The following NR3C2 variants were observed in gnomAD, a reference collection of about 807,000 sequenced individuals.
NR3C2 encodes mineralocorticoid receptor.
A neutral mutation model predicts 86.4 loss-of-function variants in NR3C2; 15 were observed. That is an observed-to-expected ratio of 0.17 (90% CI 0.12 to 0.27). The LOEUF is 0.27. Ranked by LOEUF, NR3C2 falls within the 10% of genes least tolerant of loss-of-function variation. NR3C2 has a pLI of 1.00. For synonymous variants in NR3C2, 458 were observed against 450.5 expected, an observed-to-expected ratio of 1.02 and a Z score of -0.21; for missense variants, 960 against 1,195.6, an observed-to-expected ratio of 0.80 and a Z score of 2.91.
At chr4:148,257,803 T>A (rs1215344504) in intron 3 of NR3C2, among the ~76,000 whole-genome samples, 1 of 152,116 alleles carries the variant, frequency 6.6e-6, no homozygotes, top group African/African-American at 2.4e-5. Flanking sequence ...AGATTTTAAA[T>A]TAACAGCATT....
At chr4:148,390,076 G>A (rs1747462903) in intron 2 of NR3C2, among the ~76,000 whole-genome samples, 3 of 151,368 alleles carry the variant, frequency 2.0e-5, no homozygotes, top group Middle Eastern at 3.4e-3. Context: ...GGTAACGTCC[G>A]GGCAAGGAGG....
chr4:148,083,050 T>A (rs1730652743), intron 8 of NR3C2, among the ~76,000 whole-genome samples: 1 of 152,064 alleles, frequency 6.6e-6, no homozygotes, highest in Admixed American at 6.5e-5. Flanking sequence ...GGGCAAAGCA[T>A]CTCTGAAAGA....
chr4:148,356,290 A>G (rs1211020689), intron 2 of NR3C2, among the ~76,000 whole-genome samples: 5 of 152,246 alleles, frequency 3.3e-5, no homozygotes, highest in Non-Finnish European at 7.4e-5. Flanking sequence ...GAAAACTAAA[A>G]TCTGTTGTCA....
chr4:148,376,323 A>C (rs1746678608), intron 2 of NR3C2, among the ~76,000 whole-genome samples: 1 of 152,166 alleles, frequency 6.6e-6, no homozygotes, highest in African/African-American at 2.4e-5. Flanking sequence ...TCTGCGCCAC[A>C]GCTTGGCAGT....
At position 148,121,307 on chromosome 4, in the gene NR3C2, G is replaced by A. The variant is rs1732495919; in HGVS notation, c.2511-1019C>T. Among the ~76,000 whole-genome samples the A allele has an allele frequency of 2.0e-5, 3 of 152,136 alleles. No homozygotes were observed. The South Asian group carries it at 6.2e-4, about 32-fold the overall frequency. ...TCCCCTCAATTGGCAGAAATCTCTT[G>A]CAACTCAACTCTGAATGCCAATTAT... On this transcript the variant is annotated intron_variant, in intron 6 of 8. Coordinates refer to ENST00000358102, the MANE Select transcript of NR3C2 (RefSeq NM_000901.5).
chr4:148,180,954 A>G (rs1418600288), intron 4 of NR3C2, among the ~76,000 whole-genome samples: 1 of 152,044 alleles, frequency 6.6e-6, no homozygotes, highest in African/African-American at 2.4e-5. Context: ...CTTCTCTCCA[A>G]CCCTCAAAAG....
intron 3 of NR3C2, among the ~76,000 whole-genome samples, chr4:148,199,220 G>A (rs1736594316): frequency 6.6e-6 from 1 of 152,016 alleles, no homozygotes; most frequent in South Asian, 2.1e-4. Flanking sequence ...GATGAAAAGA[G>A]TCCAGCTGAG....
At chr4:148,262,494 C>T (rs1341988707) in intron 2 of NR3C2, among the ~76,000 whole-genome samples, 1 of 152,084 alleles carries the variant, frequency 6.6e-6, no homozygotes, top group South Asian at 2.1e-4. Flanking sequence ...GGCAAAATTG[C>T]AGATCTTTCC....
chr4:148,324,361 GTGTGTT>G (rs202218254), intron 2 of NR3C2, among the ~76,000 whole-genome samples: 30,620 of 89,996 alleles, frequency 0.34, 2,911 homozygotes, highest in South Asian at 0.47. Context: ...GTGTGTGTGT[GTGTGTT>G]TGTGTGTGTG....
intron 2 of NR3C2, among the ~76,000 whole-genome samples, chr4:148,415,346 T>C (rs1290836253): frequency 6.6e-6 from 1 of 152,240 alleles, no homozygotes; most frequent in African/African-American, 2.4e-5. Context: ...ATGATTTTTA[T>C]GTAGTATTTT....
At chr4:148,204,836 T>C (rs1345113915) in intron 3 of NR3C2, among the ~76,000 whole-genome samples, 2 of 152,192 alleles carry the variant, frequency 1.3e-5, no homozygotes, top group Non-Finnish European at 2.9e-5. Context: ...CAAATTTACA[T>C]ACTGCCTGAT....
chr4:148,234,282 T>G (rs550754719), intron 3 of NR3C2, among the ~76,000 whole-genome samples: 1 of 152,246 alleles, frequency 6.6e-6, no homozygotes, highest in South Asian at 2.1e-4. Flanking sequence ...TGAGGAGAAA[T>G]GCCATCAAAA....
At chr4:148,198,822 T>C (rs773663035) in intron 3 of NR3C2, among the ~76,000 whole-genome samples, 7 of 151,652 alleles carry the variant, frequency 4.6e-5, no homozygotes, top group Non-Finnish European at 8.8e-5. Flanking sequence ...GGCTCACGCC[T>C]GTAATCCCAG....
At chr4:148,319,197 C>A (rs2149949498) in intron 2 of NR3C2, among the ~76,000 whole-genome samples, 1 of 151,976 alleles carries the variant, frequency 6.6e-6, no homozygotes, top group South Asian at 2.1e-4. Flanking sequence ...AGATATGTGG[C>A]ATTATTTCTG....
chr4:148,152,123 T>G (rs1734131166), intron 6 of NR3C2, among the ~76,000 whole-genome samples: 1 of 152,174 alleles, frequency 6.6e-6, no homozygotes, highest in South Asian at 2.1e-4. Context: ...GAAATTAGAT[T>G]GTCTTCCCAA....
intron 2 of NR3C2, among the ~76,000 whole-genome samples, chr4:148,284,506 C>G (rs1336136451): frequency 6.6e-6 from 1 of 152,134 alleles, no homozygotes; most frequent in African/African-American, 2.4e-5. Flanking sequence ...TTTACCTATA[C>G]AAATGATAGG....
intron 2 of NR3C2, among the ~76,000 whole-genome samples, chr4:148,376,294 C>G (rs1177280740): frequency 6.6e-6 from 1 of 151,794 alleles, no homozygotes. Context: ...TGCCAGTTTA[C>G]AGTATTTAAA....
At chr4:148,368,952 T>C (rs1365021997) in intron 2 of NR3C2, among the ~76,000 whole-genome samples, 1 of 152,208 alleles carries the variant, frequency 6.6e-6, no homozygotes, top group Non-Finnish European at 1.5e-5. Flanking sequence ...TTGGCCTTTG[T>C]TGAGTTTGCT....
chr4:148,416,877 G>C (rs1749029065), intron 2 of NR3C2, among the ~76,000 whole-genome samples: 1 of 152,112 alleles, frequency 6.6e-6, no homozygotes, highest in African/African-American at 2.4e-5. Flanking sequence ...CTGGGTTCAA[G>C]TGATTCTCCT....
Sources: gnomAD v4.1 joint callset for allele counts (sites outside exome capture counted in the v4.1 genomes callset) on GRCh38, gnomAD v4.1.1 for gene constraint, MANE v1.5 for transcripts, NCBI Gene and HGNC (gene_info 2026-07-23, HGNC 2026-07-21) for gene names.